PRSS23: variants seen among roughly 807,000 people sequenced by gnomAD.
PRSS23 encodes the protein protease, serine 23.
Under a neutral mutation model 34.7 loss-of-function variants are expected in PRSS23, and 25 were observed. The observed-to-expected ratio is 0.72, with a 90% CI of 0.53 to 1.01. PRSS23 has a LOEUF of 1.01. PRSS23 is among the 50% of genes least tolerant of loss of function. PRSS23 has a pLI of 0.00. For missense variants in PRSS23, 445 were observed against 475.6 expected, an observed-to-expected ratio of 0.94 and a Z score of 0.60; for synonymous variants, 176 against 186.6, an observed-to-expected ratio of 0.94 and a Z score of 0.46.
At chr11:86,834,296 AG>A (rs1296419686) in intron 2 of PRSS23, among the ~76,000 whole-genome samples, 1 of 152,192 alleles carries the variant, frequency 6.6e-6, no homozygotes. Flanking sequence ...TGCAGGCAAA[AG>A]TATTTTTCCT....
At chr11:86,898,337 C>T (rs1948890007) in intron 2 of PRSS23, among the ~76,000 whole-genome samples, 1 of 152,148 alleles carries the variant, frequency 6.6e-6, no homozygotes, top group Non-Finnish European at 1.5e-5. Context: ...TTATTTCCTT[C>T]AATAAATATA....
chr11:86,931,463 G>T (rs1395695537), intron 2 of PRSS23, among the ~76,000 whole-genome samples: 1 of 151,576 alleles, frequency 6.6e-6, no homozygotes, highest in Non-Finnish European at 1.5e-5. Context: ...TTAAATCCAT[G>T]AAAAAAAAGC....
chr11:86,903,379 G>T (rs112699313), intron 2 of PRSS23, among the ~76,000 whole-genome samples: 2 of 152,240 alleles, frequency 1.3e-5, no homozygotes, highest in African/African-American at 4.8e-5. Context: ...AGCGATGTAT[G>T]GGCTGAGCCT....
At chr11:86,854,904 C>T (rs546441272) in intron 2 of PRSS23, among the ~76,000 whole-genome samples, 7 of 152,264 alleles carry the variant, frequency 4.6e-5, no homozygotes, top group East Asian at 1.9e-4. Flanking sequence ...CGGTTGCTCA[C>T]GCCTGTAATC....
chr11:86,867,874 C>CAAAAGAAAAAAAA (rs1948660335), intron 2 of PRSS23, among the ~76,000 whole-genome samples: 1 of 118,334 alleles, frequency 8.5e-6, no homozygotes, highest in African/African-American at 3.5e-5. Context: ...GACCCTACCT[C>CAAAAGAAAAAAAA]AAAAAAAAAA....
intron 2 of PRSS23, among the ~76,000 whole-genome samples, chr11:86,925,859 C>G (rs1232246291): frequency 1.3e-5 from 2 of 152,108 alleles, no homozygotes; most frequent in African/African-American, 4.8e-5. Flanking sequence ...GTTTTCATAG[C>G]AAATGTGCTA....
intron 2 of PRSS23, among the ~76,000 whole-genome samples, chr11:86,939,969 A>G (rs1949196427): frequency 6.6e-6 from 1 of 152,226 alleles, no homozygotes; most frequent in African/African-American, 2.4e-5. Context: ...GTCAAGAAAC[A>G]AAATCTACAT....
At chr11:86,907,501 C>T (rs371843497) in intron 2 of PRSS23, among the ~76,000 whole-genome samples, 1 of 152,108 alleles carries the variant, frequency 6.6e-6, no homozygotes, top group Non-Finnish European at 1.5e-5. Flanking sequence ...GGGTATCACT[C>T]TGTCACCCAG....
chr11:86,878,705 C>T (rs1350243977), intron 2 of PRSS23, among the ~76,000 whole-genome samples: 14 of 151,830 alleles, frequency 9.2e-5, no homozygotes, highest in African/African-American at 3.1e-4. Context: ...AAGTGAGGAG[C>T]GTCTCTGCCT....
At chr11:86,794,324 T>G (rs1220701970) in intron 1 of PRSS23, among the ~76,000 whole-genome samples, 1 of 152,140 alleles carries the variant, frequency 6.6e-6, no homozygotes, top group Non-Finnish European at 1.5e-5. Context: ...CACTTCAAAT[T>G]TGGAGACTTC....
intron 2 of PRSS23, chr11:86,946,852 G>A (rs370178339): frequency 1.3e-5 from 2 of 152,236 alleles, no homozygotes; most frequent in Non-Finnish European, 2.9e-5. Context: ...GACTGGAATA[G>A]CAACTCTCTC....
chr11:86,889,585 C>G (rs546728899), intron 2 of PRSS23, among the ~76,000 whole-genome samples: 1 of 152,298 alleles, frequency 6.6e-6, no homozygotes, highest in Admixed American at 6.5e-5. Flanking sequence ...GTGATCCCAT[C>G]CATGAGGCAG....
At chr11:86,805,229 C>G (rs1217543009) in intron 1 of PRSS23, among the ~76,000 whole-genome samples, 1 of 152,106 alleles carries the variant, frequency 6.6e-6, no homozygotes, top group Non-Finnish European at 1.5e-5. Flanking sequence ...AAAGGCTGCT[C>G]AAGTCCTCGA....
At chr11:86,822,247 AG>A (rs1948257722) in intron 1 of PRSS23, among the ~76,000 whole-genome samples, 1 of 152,166 alleles carries the variant, frequency 6.6e-6, no homozygotes, top group Non-Finnish European at 1.5e-5. Context: ...AAGAGATAAC[AG>A]GGGAGGAATG....
intron 2 of PRSS23, chr11:86,909,476 CAACTGCATCCAT>C (rs992045395): frequency 2.0e-5 from 3 of 152,268 alleles, no homozygotes; most frequent in African/African-American, 7.2e-5. Flanking sequence ...TCATCTAGTT[CAACTGCATCCAT>C]TTTCAGAAGA....
chr11:86,867,605 C>T (rs1948658120), intron 2 of PRSS23, among the ~76,000 whole-genome samples: 1 of 152,170 alleles, frequency 6.6e-6, no homozygotes, highest in Admixed American at 6.5e-5. Context: ...ATAAGCCAGG[C>T]ACAGTGGCTC....
chr11:86,845,215 C>G (rs73526353), intron 2 of PRSS23, among the ~76,000 whole-genome samples: 2 of 152,002 alleles, frequency 1.3e-5, no homozygotes, highest in East Asian at 3.9e-4. Context: ...CTGTGTGCCA[C>G]GCAAAATATA....
At chr11:86,920,887 T>C (rs1054766145) in intron 2 of PRSS23, among the ~76,000 whole-genome samples, 56 of 152,310 alleles carry the variant, frequency 3.7e-4, no homozygotes, top group African/African-American at 1.3e-3. Flanking sequence ...CAATGATCCT[T>C]CGTCACTGTT....
rs73526368 is a variant in PRSS23, at chr11:86,848,596, C to T, written c.206+25003C>T. On this transcript the variant is annotated intron_variant, in intron 2 of 2. Coordinates refer to the PRSS23 transcript ENST00000533902. ...GCGGGAGGCTCTAAGAAGGCACACC[C>T]CCGTAACTCCGGATTCCCTGGAAGG... Among the ~76,000 whole-genome samples the T allele has an allele frequency of 2.3e-3, 343 of 152,268 alleles. 3 individuals are homozygous for T. Among genetic ancestry groups the T allele is most frequent in the African/African-American group, 7.8e-3 (323 of 41,544 alleles).
Sources: gnomAD v4.1 joint callset for allele counts (sites outside exome capture counted in the v4.1 genomes callset) on GRCh38, gnomAD v4.1.1 for gene constraint, MANE v1.5 for transcripts, NCBI Gene and HGNC (gene_info 2026-07-23, HGNC 2026-07-21) for gene names.